The following TAF1C variants were observed in gnomAD, a reference collection of about 807,000 sequenced individuals.
TAF1C encodes the protein TATA-box binding protein associated factor, RNA polymerase I subunit C, also known as TATA box-binding protein-associated factor RNA polymerase I subunit C.
In TAF1C, 79 loss-of-function variants were observed where a neutral mutation model predicts 70.5. That is an observed-to-expected ratio of 1.12 (90% CI 0.93 to 1.35). The LOEUF (loss-of-function observed/expected upper bound fraction) is 1.35. TAF1C is among the 40% of genes most tolerant of loss of function. TAF1C has a pLI of 0.00. For missense variants in TAF1C, 1,412 were observed against 1,127.8 expected, an observed-to-expected ratio of 1.25 and a Z score of -3.61; for synonymous variants, 614 against 491.1, an observed-to-expected ratio of 1.25 and a Z score of -3.31.
In TAF1C at chr16:84,183,148, C is replaced by A. The variant is rs761324048; in HGVS notation, c.410G>T (p.Ser137Ile). The stretch of plus-strand genomic sequence containing the variant: ...GACCACTGTCTTCTTCTTAGTGCGG[C>A]TCTGCATGGAAAGGCCTTGTCAGGC... ...LENFKLEGAG[S>I]RTKKKTVVSV... Residue 137 changes from serine to isoleucine, a missense_variant and splice_region_variant, in exon 6 of 15, where the codon AGC (serine) becomes ATC (isoleucine). Coordinates refer to ENST00000566732, the MANE Select transcript of TAF1C (RefSeq NM_001243156.2). 1 of 1,614,086 alleles carries A rather than the reference C, an allele frequency of 6.2e-7. No individual in the cohort carries two copies. The highest frequency in any genetic ancestry group is 8.5e-7 in the Non-Finnish European group (1 of 1,180,030).
rs544400370 is a variant in TAF1C, at chr16:84,179,488, C to T, written c.1985G>A (p.Arg662Gln). 10 of 1,599,384 alleles carry T rather than the reference C, an allele frequency of 6.3e-6. No homozygotes were observed. Among genetic ancestry groups the T allele is most frequent in the South Asian group, 5.5e-5 (5 of 90,776 alleles). The change falls in exon 15 of 15, where the codon CGA becomes CAA. Residue 662 changes from arginine (R) to glutamine (Q), a missense_variant. Coordinates refer to ENST00000566732, the MANE Select transcript of TAF1C (RefSeq NM_001243156.2). ...RLGVLRKAMA[R>Q]GQLLLQRDLG... ...GTCTCTCTGCAGCAGGAGCTGCCCT[C>T]GGGCCATGGCCTTGCGGAGCACACC...
chr16:84,183,732 G>A lies in TAF1C; in HGVS notation c.185C>T (p.Thr62Ile). 2.5e-6 allele frequency: 4 copies of A among 1,613,198 alleles called. No individual in the cohort carries two copies. Among genetic ancestry groups the A allele is most frequent in the Non-Finnish European group, 3.4e-6 (4 of 1,179,458 alleles). The part of the protein sequence containing the change: ...VTKDLLWEPA[T>I]PGPLPMLPPL... ...AGGCAGCATGGGGAGAGGCCCAGGGGTTGCCGGCTCCCACAGCAGGTCCTT... is the reference window on the plus strand; with the variant it reads ...AGGCAGCATGGGGAGAGGCCCAGGGATTGCCGGCTCCCACAGCAGGTCCTT... The change falls in exon 3 of 15, where the codon ACC becomes ATC. Residue 62 changes from threonine (T) to isoleucine (I), a missense_variant. Transcript: ENST00000566732.
chr16:84,181,652 G>C lies in TAF1C; in HGVS notation c.968C>G (p.Pro323Arg). 1 of 1,613,912 alleles carries C rather than the reference G, an allele frequency of 6.2e-7. No homozygotes were observed. The highest frequency in any genetic ancestry group is 8.5e-7 in the Non-Finnish European group (1 of 1,179,988). The change falls in exon 10 of 15, where the codon CCC becomes CGC. Residue 323 changes from proline to arginine, a missense_variant. Physicochemically the swap from Pro to Arg is moderately radical, Grantham distance 103. Coordinates refer to ENST00000566732, the MANE Select transcript of TAF1C (RefSeq NM_001243156.2). ...ATGISLSPHL[P>R]GELAICSRSG... ...GCGGCTGCAGATGGCCAGCTCCCCG[G>C]GCAGGTGAGGGCTACAGGGCAGGAA...
At chr16:84,184,749 T>A (rs1381072610) in intron 2 of TAF1C, 102 bp downstream of exon 2, 4 of 1,408,992 alleles carry the variant, frequency 2.8e-6, no homozygotes, top group Non-Finnish European at 3.8e-6. Context: ...CTCGTGTGAA[T>A]GCCACCACTC....
rs2089063127 is a variant in TAF1C at position 84,180,197 on chromosome 16, C to T, written c.1456G>A (p.Gly486Arg). The change falls in exon 13 of 15, where the codon GGG becomes AGG. Residue 486 changes from glycine to arginine, a missense_variant. Gly to Arg is a moderately radical substitution (Grantham distance 125). Coordinates refer to ENST00000566732, the MANE Select transcript of TAF1C (RefSeq NM_001243156.2). Reference sequence around the variant, plus strand: ...GCCAGGTGCAGCAGCTGCAGCTGCCCACCCTGGCCTCCGAGGAGCAGGGGC... The same window carrying T: ...GCCAGGTGCAGCAGCTGCAGCTGCCTACCCTGGCCTCCGAGGAGCAGGGGC... ...VQPLLLGGQGGQLQLLHLAGE... is the reference protein window; with the variant it reads ...VQPLLLGGQGRQLQLLHLAGE... 3.2e-6 allele frequency: 5 copies of T among 1,542,304 alleles called. No individual in the cohort carries two copies. Among genetic ancestry groups the T allele is most frequent in the Non-Finnish European group, 4.3e-6 (5 of 1,152,688 alleles).
chr16:84,181,801 G>A lies in TAF1C; in HGVS notation c.901C>T (p.Pro301Ser). The stretch of plus-strand genomic sequence containing the variant: ...ACCTGCATTGCCTGCAGAAGGGTTG[G>A]CTGCCACTGTTTACCAAACTTCCAC... The part of the protein sequence containing the change: ...AVWKFGKQWQ[P>S]TLLQAMQVEK... The change falls in exon 9 of 15, where the codon CCA (proline) becomes TCA (serine). Residue 301 changes from proline to serine, a missense_variant. Coordinates refer to ENST00000566732, the MANE Select transcript of TAF1C (RefSeq NM_001243156.2). The A allele has an allele frequency of 6.2e-7, 1 of 1,614,136 alleles. No individual in the cohort carries two copies. Among genetic ancestry groups the A allele is most frequent in the Non-Finnish European group, 8.5e-7 (1 of 1,180,016 alleles).
Position 84,179,400 on chromosome 16 carries a change from G to A in TAF1C, c.2073C>T (p.Leu691=). ...CCCAGGCTTCCCCCAGGCGCTCACTGAGCTTGTCCTCTAGGCCTGACTCGG... is the reference window on the plus strand; with the variant it reads ...CCCAGGCTTCCCCCAGGCGCTCACTAAGCTTGTCCTCTAGGCCTGACTCGG... ...PAPESGLEDK[L]SERLGEAWAG... is the part of the protein sequence containing the mutation. Residue 691 remains leucine (L), a synonymous_variant, in exon 15 of 15, where the codon CTC becomes CTT. Coordinates refer to ENST00000566732, the MANE Select transcript of TAF1C (RefSeq NM_001243156.2). 6.3e-7 allele frequency: 1 copy of A among 1,598,256 alleles called. No homozygotes were observed.
At position 84,182,341 on chromosome 16, in the gene TAF1C, C is replaced by A. The variant is rs1405531779; in HGVS notation, c.582G>T (p.Leu194=). The change falls in exon 7 of 15, where the codon CTG becomes CTT. Residue 194 remains leucine, a synonymous_variant. Transcript: ENST00000566732. This position sits in a 1 kb window ranked among gnomAD's most constrained non-coding sequence, Gnocchi z 5.0. ...CCCACCGCAGCACCAGCTCCTCGTGCAGCAGCTCTGCCAAGTGGCTCGCCA... is the reference window on the plus strand; with the variant it reads ...CCCACCGCAGCACCAGCTCCTCGTGAAGCAGCTCTGCCAAGTGGCTCGCCA... ...TSVASHLAEL[L]HEELVLRWEQ... is the part of the protein sequence containing the mutation. 1.9e-6 allele frequency: 3 copies of A among 1,612,626 alleles called. No individual in the cohort carries two copies. The highest frequency in any genetic ancestry group is 2.5e-6 in the Non-Finnish European group (3 of 1,179,824).
chr16:84,187,036 C>T lies in TAF1C; in HGVS notation c.-208G>A, dbSNP rs968560026. 2 of 152,216 alleles carry T rather than the reference C, an allele frequency of 1.3e-5. No individual in the cohort carries two copies. Among genetic ancestry groups the T allele is most frequent in the Admixed American group, 6.5e-5 (1 of 15,290 alleles). The allele number at this position is 152,216 out of a possible 1,614,324, so 9.4% of individuals were successfully genotyped here. On this transcript the variant is annotated 5_prime_UTR_variant, in exon 1 of 15. Transcript: ENST00000566732. ...GACGGGTCAGCCCCGCCGCAGCTAC[C>T]CACGGTCTTCCGGTTTGGACCGGAA...
chr16:84,181,790 C>T lies in TAF1C; in HGVS notation c.912G>A (p.Leu304=). The T allele has an allele frequency of 6.2e-7, 1 of 1,614,142 alleles. No homozygotes were observed. The highest frequency in any genetic ancestry group is 8.5e-7 in the Non-Finnish European group (1 of 1,180,026). The change falls in exon 9 of 15, where the codon CTG becomes CTA. Residue 304 remains leucine (L), a synonymous_variant. Transcript: ENST00000566732. ...KFGKQWQPTL[L]QAMQVEKGAT... ...CCCCTTTCTCCACCTGCATTGCCTG[C>T]AGAAGGGTTGGCTGCCACTGTTTAC...
chr16:84,183,053 C>T, intron 6 of TAF1C, 23 bp downstream of exon 6: 1 of 1,613,646 alleles, frequency 6.2e-7, no homozygotes, highest in Non-Finnish European at 8.5e-7. Context: ...TATCCATCTC[C>T]TCCTTTCTCA....
At position 84,178,919 on chromosome 16, in the gene TAF1C, G is replaced by A; in HGVS notation, c.*22C>T. 1 of 1,560,662 alleles carries A rather than the reference G, an allele frequency of 6.4e-7. No homozygotes were observed. Among genetic ancestry groups the A allele is most frequent in the South Asian group, 1.2e-5 (1 of 82,286 alleles). On this transcript the variant is annotated 3_prime_UTR_variant, in exon 15 of 15. Coordinates refer to ENST00000566732, the MANE Select transcript of TAF1C (RefSeq NM_001243156.2). ...AAGGATGAGGGGCTCTCTGGGGCTTGAGGGCAGCCCACCTTGTGTCCTCAG... is the reference window on the plus strand; with the variant it reads ...AAGGATGAGGGGCTCTCTGGGGCTTAAGGGCAGCCCACCTTGTGTCCTCAG...
rs1321926174 is a variant in TAF1C at position 84,178,664 on chromosome 16, A to C, written c.*277T>G. On this transcript the variant is annotated 3_prime_UTR_variant, in exon 15 of 15. Transcript: ENST00000566732. Reference sequence around the variant, plus strand: ...GAGGCGCAGCGGAGCCCTGCCTCCCAGCACAGACTAAAATCCCAGCAACAC... The same window carrying C: ...GAGGCGCAGCGGAGCCCTGCCTCCCCGCACAGACTAAAATCCCAGCAACAC... The C allele has an allele frequency of 2.2e-5, 11 of 508,804 alleles. No individual in the cohort carries two copies. Among genetic ancestry groups the C allele is most frequent in the Non-Finnish European group, 2.1e-5 (6 of 280,660 alleles). 31.5% of individuals were successfully genotyped at this position (508,804 alleles called of 1,614,324 possible). A position where few individuals can be genotyped will look rare whatever the true frequency, so the allele number is the denominator to read the frequency against.
In TAF1C at chr16:84,181,849, G is replaced by T. The variant is rs201826585; in HGVS notation, c.853C>A (p.Arg285Ser). ...CACACGGCACAGTGGTAGTCAGAGCGGACGGCCAGCAGAGCTGAGGAGGGA... is the reference window on the plus strand; with the variant it reads ...CACACGGCACAGTGGTAGTCAGAGCTGACGGCCAGCAGAGCTGAGGAGGGA... ...TVQGETLLAV[R>S]SDYHCAVWKF... The change falls in exon 9 of 15, where the codon CGC (arginine) becomes AGC (serine). Residue 285 changes from arginine to serine, a missense_variant. Coordinates refer to ENST00000566732, the MANE Select transcript of TAF1C (RefSeq NM_001243156.2). 1 of 1,614,164 alleles carries T rather than the reference G, an allele frequency of 6.2e-7. No homozygotes were observed.
rs947310349 is a variant in TAF1C, at chr16:84,178,701, C to T, written c.*240G>A. 1.1e-5 allele frequency: 6 copies of T among 569,236 alleles called. No individual in the cohort carries two copies. Among genetic ancestry groups the T allele is most frequent in the Non-Finnish European group, 1.9e-5 (6 of 321,452 alleles). 35.3% of individuals were successfully genotyped at this position (569,236 alleles called of 1,614,324 possible). A position where few individuals can be genotyped will look rare whatever the true frequency, so the allele number is the denominator to read the frequency against. On this transcript the variant is annotated 3_prime_UTR_variant, in exon 15 of 15. Coordinates refer to ENST00000566732, the MANE Select transcript of TAF1C (RefSeq NM_001243156.2). Reference sequence around the variant, plus strand: ...AATCCCAGCAACACAGGCCCACCGGCACCTCCAGCCTGCCTTGCGGGATGA... The same window carrying T: ...AATCCCAGCAACACAGGCCCACCGGTACCTCCAGCCTGCCTTGCGGGATGA...
intron 3 of TAF1C, 88 bp downstream of exon 3, chr16:84,183,609 A>T: frequency 6.5e-7 from 1 of 1,543,010 alleles, no homozygotes; most frequent in Non-Finnish European, 8.9e-7. Flanking sequence ...GCACAGGCTT[A>T]GCAGGGAGAG....
chr16:84,180,643 C>T (rs1470223448), intron 12 of TAF1C: 2 of 648,344 alleles, frequency 3.1e-6, no homozygotes, highest in East Asian at 3.6e-5. Flanking sequence ...CAGCCACCCC[C>T]ACTCTCCTGA....
In TAF1C at chr16:84,178,766, T is replaced by C. The variant is rs1295071392; in HGVS notation, c.*175A>G. The C allele has an allele frequency of 1.6e-6, 1 of 643,640 alleles. No homozygotes were observed. Among genetic ancestry groups the C allele is most frequent in the African/African-American group, 1.8e-5 (1 of 54,688 alleles). 39.9% of individuals were successfully genotyped at this position (643,640 alleles called of 1,614,324 possible). ...TACAAAATACAAAAGAAACTACTACTGTATTTTGTTGCCCTGTCCCTTCAA... is the reference window on the plus strand; with the variant it reads ...TACAAAATACAAAAGAAACTACTACCGTATTTTGTTGCCCTGTCCCTTCAA... On this transcript the variant is annotated 3_prime_UTR_variant, in exon 15 of 15. Transcript: ENST00000566732.
chr16:84,181,322 C>G lies in TAF1C; in HGVS notation c.1164+6G>C. ...TCGGGGTGGGTCCTCTGCCGCCAGC[C>G]CGTACCTGAGTGTCCAGCATCTTCA... On this transcript the variant is annotated splice_donor_region_variant and intron_variant, in intron 11 of 14. Transcript: ENST00000566732. 1 of 1,612,918 alleles carries G rather than the reference C, an allele frequency of 6.2e-7. No individual in the cohort carries two copies. Among genetic ancestry groups the G allele is most frequent in the Non-Finnish European group, 8.5e-7 (1 of 1,179,450 alleles).
Sources: gnomAD v4.1 joint callset for allele counts on GRCh38, gnomAD v4.1.1 for gene constraint, Gnocchi (gnomAD v3.1) non-coding constraint, MANE v1.5 for transcripts, NCBI Gene and HGNC (gene_info 2026-07-23, HGNC 2026-07-21) for gene names.